The following SLC1A7 variants were observed in gnomAD, a reference collection of about 807,000 sequenced individuals.
SLC1A7 encodes excitatory amino acid transporter 5.
In SLC1A7, 40 loss-of-function variants were observed where a neutral mutation model predicts 47.7. The ratio of observed to expected loss-of-function variants is 0.84; its 90% confidence interval spans 0.65 to 1.09. The LOEUF (loss-of-function observed/expected upper bound fraction) is 1.09. Among genes scored for constraint, SLC1A7 ranks in the 50% least tolerant of loss-of-function variants. The probability of loss-of-function intolerance (pLI) is 0.00; values close to 1 mark genes in which losing one functional copy is unlikely to be tolerated. For missense variants in SLC1A7, 746 were observed against 769.5 expected (o/e 0.97, Z 0.36); for synonymous variants, 323 against 325.6 (o/e 0.99, Z 0.09).
At chr1:53,111,887 C>T (rs968113166) in intron 3 of SLC1A7, among the ~76,000 whole-genome samples, 2 of 152,158 alleles carry the variant, frequency 1.3e-5, no homozygotes, top group Admixed American at 6.5e-5. Context: ...CTTTCTGGCT[C>T]CAGACCCTAT....
chr1:53,121,659 G>A (rs1233613455), intron 2 of SLC1A7, among the ~76,000 whole-genome samples: 1 of 152,224 alleles, frequency 6.6e-6, no homozygotes, highest in Non-Finnish European at 1.5e-5. Flanking sequence ...GACCCCAGCA[G>A]TCAATTCTGA....
chr1:53,135,341 C>G (rs1644981201), intron 1 of SLC1A7, among the ~76,000 whole-genome samples: 1 of 152,210 alleles, frequency 6.6e-6, no homozygotes, highest in Non-Finnish European at 1.5e-5. Flanking sequence ...GAGACCCACT[C>G]CTAAGCAGAC....
At position 53,092,684 on chromosome 1, in the gene SLC1A7, C is replaced by T; in HGVS notation, c.901G>A (p.Val301Met). Reference protein sequence around the residue: ...KKLGFYSVTVVCGLVLHGLFI... With the variant: ...KKLGFYSVTVMCGLVLHGLFI... ...AGCCCGTGGAGCACCAGCCCGCACA[C>T]CACGGTGACTGAGTAGAAGCCCAGC... is the stretch of plus-strand genomic sequence containing the variant. The change falls in exon 7 of 11, where the codon GTG (valine) becomes ATG (methionine). Residue 301 changes from valine to methionine, a missense_variant. Val to Met is a conservative substitution (Grantham distance 21). Coordinates refer to ENST00000371494, the MANE Select transcript of SLC1A7 (RefSeq NM_006671.6). 4 of 1,614,104 alleles carry T rather than the reference C, an allele frequency of 2.5e-6. No individual in the cohort carries two copies. Among genetic ancestry groups the T allele is most frequent in the Non-Finnish European group, 3.4e-6 (4 of 1,179,972 alleles).
intron 3 of SLC1A7, among the ~76,000 whole-genome samples, chr1:53,112,648 G>A (rs924045676): frequency 1.3e-5 from 2 of 152,150 alleles, no homozygotes; most frequent in Non-Finnish European, 2.9e-5. Context: ...GGAATGTAGG[G>A]GCTGGTGCCT....
rs561205535 is a variant in SLC1A7, at chr1:53,098,901, C to T, written c.697+4445G>A. On this transcript the variant is annotated intron_variant, in intron 5 of 10. Coordinates refer to ENST00000371494, the MANE Select transcript of SLC1A7 (RefSeq NM_006671.6). ...CACTGCCTCGGTACACCCACACCAC[C>T]GTAGTACACTCATTCCACCTCATTA... Among the ~76,000 whole-genome samples, 29 of 150,784 alleles carry T rather than the reference C, an allele frequency of 1.9e-4. 1 individual carries two copies. The South Asian group carries it at 2.8e-3, about 14-fold the overall frequency.
At chr1:53,107,153 TAAAA>T (rs11417607) in intron 3 of SLC1A7, among the ~76,000 whole-genome samples, 2,855 of 23,924 alleles carry the variant, frequency 0.12, 49 homozygotes, top group African/African-American at 0.29. Flanking sequence ...AGACTCTGAC[TAAAA>T]AAAAAAAAAA....
chr1:53,120,345 G>T (rs533260630), intron 2 of SLC1A7, among the ~76,000 whole-genome samples: 1 of 152,134 alleles, frequency 6.6e-6, no homozygotes, highest in Admixed American at 6.5e-5. Flanking sequence ...CCACGAAGTC[G>T]AAGTTGTAGT....
intron 1 of SLC1A7, among the ~76,000 whole-genome samples, chr1:53,136,668 T>TATA (rs1557693580): frequency 4.3e-3 from 21 of 4,940 alleles, no homozygotes; most frequent in Admixed American, 0.012. Context: ...ATATATATAT[T>TATA]TTTTTTTTTT....
At chr1:53,112,183 T>C (rs1432443135) in intron 3 of SLC1A7, among the ~76,000 whole-genome samples, 7 of 152,228 alleles carry the variant, frequency 4.6e-5, no homozygotes, top group Admixed American at 3.3e-4. Flanking sequence ...TGTTTTGATT[T>C]CCTCTCTTGC....
chr1:53,122,980 C>T (rs1644841442), intron 2 of SLC1A7, among the ~76,000 whole-genome samples: 1 of 152,098 alleles, frequency 6.6e-6, no homozygotes. Context: ...CCTGGCATGC[C>T]CTGCTGCCCT....
At chr1:53,142,138 C>T (rs554616446) in intron 1 of SLC1A7, among the ~76,000 whole-genome samples, 177 bp downstream of exon 1, 1 of 152,198 alleles carries the variant, frequency 6.6e-6, no homozygotes, top group Non-Finnish European at 1.5e-5. Flanking sequence ...TCCCTCTAGT[C>T]CTGCAAAGTG....
intron 4 of SLC1A7, among the ~76,000 whole-genome samples, chr1:53,104,226 T>C (rs1314500650): frequency 6.6e-6 from 1 of 152,140 alleles, no homozygotes. Flanking sequence ...TTCCTTTTCC[T>C]CCTCTGTAAA....
intron 2 of SLC1A7, 53 bp downstream of exon 2, chr1:53,134,297 G>T: frequency 7.5e-7 from 1 of 1,340,098 alleles, no homozygotes; most frequent in Non-Finnish European, 1.1e-6. Flanking sequence ...AGCAACAGAA[G>T]CCATCCTCTA....
intron 3 of SLC1A7, among the ~76,000 whole-genome samples, chr1:53,113,914 C>T (rs1201834500): frequency 6.6e-6 from 1 of 152,112 alleles, no homozygotes; most frequent in Non-Finnish European, 1.5e-5. Flanking sequence ...AGCTATCGCC[C>T]CCAGGCCTGC....
chr1:53,139,425 C>T (rs1162005224), intron 1 of SLC1A7, among the ~76,000 whole-genome samples: 1 of 147,704 alleles, frequency 6.8e-6, no homozygotes, highest in Non-Finnish European at 1.5e-5. Flanking sequence ...TGGCCCTCTC[C>T]CCAACACACA....
chr1:53,139,239 T>C (rs1462700857), intron 1 of SLC1A7, among the ~76,000 whole-genome samples: 1 of 152,208 alleles, frequency 6.6e-6, no homozygotes, highest in Non-Finnish European at 1.5e-5. Flanking sequence ...AGGAGTCTCC[T>C]TTATAGCAGA....
In SLC1A7 at chr1:53,114,921, C is replaced by T. The variant is rs148436837; in HGVS notation, c.268G>A (p.Val90Ile). 2.2e-4 allele frequency: 348 copies of T among 1,614,168 alleles called. No homozygotes were observed. The African/African-American group carries it at 2.3e-3, about 11-fold the overall frequency. ...CACAGGTAGTACGCCACGGTGAGGA[C>T]GCCCAGGCGGCTAGAGGTCTTGGCA... ...LDAKTSSRLG[V>I]LTVAYYLWTT... Residue 90 changes from valine (V) to isoleucine (I), a missense_variant, in exon 3 of 11, where the codon GTC becomes ATC. By Grantham distance (29) the Val-to-Ile change is conservative. Coordinates refer to ENST00000371494, the MANE Select transcript of SLC1A7 (RefSeq NM_006671.6).
chr1:53,103,167 T>C (rs532171318), intron 5 of SLC1A7, 179 bp downstream of exon 5: 38 of 541,666 alleles, frequency 7.0e-5, no homozygotes, highest in South Asian at 1.5e-4. Context: ...GGGAAGCCCC[T>C]GGGGTGGGGT....
chr1:53,106,599 C>CAA (rs5774135), intron 3 of SLC1A7, among the ~76,000 whole-genome samples: 2,296 of 137,394 alleles, frequency 0.017, 35 homozygotes, highest in Middle Eastern at 0.038. Flanking sequence ...GACACCGTCT[C>CAA]AAAAAAAAAA....
Sources: allele counts gnomAD v4.1 joint callset (sites outside exome capture counted in the v4.1 genomes callset), GRCh38; gene constraint gnomAD v4.1.1; transcripts MANE v1.5; gene names NCBI Gene and HGNC (gene_info 2026-07-23, HGNC 2026-07-21).